The following TBC1D32 variants were observed in gnomAD, a reference collection of about 807,000 sequenced individuals.
TBC1D32 encodes TBC1 domain family member 32.
Under a neutral mutation model 170.3 loss-of-function variants are expected in TBC1D32, and 151 were observed. The observed-to-expected ratio is 0.89, with a 90% CI of 0.78 to 1.01. The LOEUF (loss-of-function observed/expected upper bound fraction) is 1.01, where lower values mean the gene tolerates loss of function less well. Among genes scored for constraint, TBC1D32 ranks in the 50% least tolerant of loss-of-function variants. The pLI, the probability that TBC1D32 is intolerant of heterozygous loss-of-function variation, is 0.00. For synonymous variants in TBC1D32, 498 were observed against 488.0 expected, an observed-to-expected ratio of 1.02 and a Z score of -0.27; for missense variants, 1,464 against 1,457.1, an observed-to-expected ratio of 1.00 and a Z score of -0.08.
intron 14 of TBC1D32, 40 bp from the exon 15 acceptor site, chr6:121,279,285 T>G: frequency 6.3e-7 from 1 of 1,591,220 alleles, no homozygotes; most frequent in Non-Finnish European, 8.5e-7. Context: ...CACATAATTT[T>G]ATGACATGCT....
chr6:121,307,070 G>A (rs1258923762), intron 5 of TBC1D32, among the ~76,000 whole-genome samples: 2 of 151,408 alleles, frequency 1.3e-5, no homozygotes, highest in African/African-American at 4.9e-5. Flanking sequence ...TCATAAAACA[G>A]CATCATTCAA....
intron 22 of TBC1D32, among the ~76,000 whole-genome samples, chr6:121,196,234 C>T (rs941844822): frequency 6.6e-6 from 1 of 152,190 alleles, no homozygotes; most frequent in African/African-American, 2.4e-5. Context: ...GCCACTGTGG[C>T]AGGGATGCCA....
intron 12 of TBC1D32, among the ~76,000 whole-genome samples, chr6:121,288,769 A>G (rs1804319724): frequency 6.6e-6 from 1 of 151,776 alleles, no homozygotes; most frequent in Non-Finnish European, 1.5e-5. Context: ...ATACTGGCAA[A>G]CCAAATCCAG....
chr6:121,328,517 C>G (rs907412162), intron 1 of TBC1D32, among the ~76,000 whole-genome samples: 2 of 152,032 alleles, frequency 1.3e-5, no homozygotes, highest in Admixed American at 1.3e-4. Flanking sequence ...ATCTCCTGAC[C>G]TCGTGATCCA....
At position 121,080,424 on chromosome 6, in the gene TBC1D32, C is replaced by A; in HGVS notation, c.*347G>T. On this transcript the variant is annotated 3_prime_UTR_variant, in exon 32 of 32. Coordinates refer to ENST00000398212, the MANE Select transcript of TBC1D32 (RefSeq NM_152730.6). ...AGAGACGAGGTTTCACCATTTTGGCCAGGATGGTCTCGATCTCTTGACCTC... is the reference window on the plus strand; with the variant it reads ...AGAGACGAGGTTTCACCATTTTGGCAAGGATGGTCTCGATCTCTTGACCTC... 1 of 258,488 alleles carries A rather than the reference C, an allele frequency of 3.9e-6. No individual in the cohort carries two copies. Among genetic ancestry groups the A allele is most frequent in the Non-Finnish European group, 8.1e-6 (1 of 122,946 alleles). The allele number at this position is 258,488 out of a possible 1,614,324, so 16.0% of individuals were successfully genotyped here. A position where few individuals can be genotyped will look rare whatever the true frequency, so the allele number is the denominator to read the frequency against.
chr6:121,148,354 A>G (rs1191706371), intron 24 of TBC1D32, among the ~76,000 whole-genome samples: 1 of 152,154 alleles, frequency 6.6e-6, no homozygotes, highest in Non-Finnish European at 1.5e-5. Context: ...CATGGTGTAC[A>G]TATGCCACAT....
chr6:121,316,023 C>T (rs1415366433), intron 3 of TBC1D32, among the ~76,000 whole-genome samples: 1 of 152,040 alleles, frequency 6.6e-6, no homozygotes, highest in African/African-American at 2.4e-5. Context: ...GCGGACATCC[C>T]AAAGAAATCC....
rs562133441 is a variant in TBC1D32, at chr6:121,085,224, T to C, written c.3655-4334A>G. Among the ~76,000 whole-genome samples, 32 of 136,184 alleles carry C rather than the reference T, an allele frequency of 2.3e-4. 2 individuals carry two copies. In the South Asian group the frequency reaches 5.0e-3, roughly 21 times the overall value. The allele number at this position is 136,184 out of a possible 152,430, so 89.3% of individuals were successfully genotyped here. A position where few individuals can be genotyped will look rare whatever the true frequency, so the allele number is the denominator to read the frequency against. ...ATATATATACACATATATATACACA[T>C]ATATATATACACATATACATACGTA... is the stretch of plus-strand genomic sequence containing the variant. On this transcript the variant is annotated intron_variant, in intron 31 of 31. Coordinates refer to ENST00000398212, the MANE Select transcript of TBC1D32 (RefSeq NM_152730.6).
At chr6:121,184,887 A>G (rs1788974855) in intron 22 of TBC1D32, among the ~76,000 whole-genome samples, 1 of 152,088 alleles carries the variant, frequency 6.6e-6, no homozygotes, top group East Asian at 1.9e-4. Flanking sequence ...AGCTGAGGAA[A>G]GAGGCCGACC....
At chr6:121,198,917 A>T (rs1037018799) in intron 22 of TBC1D32, among the ~76,000 whole-genome samples, 2 of 151,444 alleles carry the variant, frequency 1.3e-5, no homozygotes, top group Non-Finnish European at 2.9e-5. Context: ...CCCAAAATAA[A>T]AGAGAATAAA....
chr6:121,233,726 T>G (rs1796018787), intron 20 of TBC1D32, among the ~76,000 whole-genome samples: 1 of 152,180 alleles, frequency 6.6e-6, no homozygotes, highest in Admixed American at 6.5e-5. Flanking sequence ...TATTGAGACG[T>G]GAGGTACTGT....
chr6:121,190,177 T>G (rs1392709873), intron 22 of TBC1D32, among the ~76,000 whole-genome samples: 2 of 113,912 alleles, frequency 1.8e-5, no homozygotes, highest in African/African-American at 6.5e-5. Context: ...CCTTCCCAAC[T>G]TCCCGGCAAG....
intron 21 of TBC1D32, among the ~76,000 whole-genome samples, chr6:121,208,718 C>T (rs1948733): frequency 0.95 from 125,046 of 132,150 alleles, 59,613 homozygotes; most frequent in East Asian, 1. Context: ...CAACAAGACA[C>T]GAAACACCTG....
At chr6:121,119,019 T>C (rs1236417288) in intron 26 of TBC1D32, among the ~76,000 whole-genome samples, 1 of 152,098 alleles carries the variant, frequency 6.6e-6, no homozygotes, top group Non-Finnish European at 1.5e-5. Flanking sequence ...CATTCTAATA[T>C]CCCAGGAGGC....
chr6:121,265,097 T>A (rs1800294101), intron 15 of TBC1D32, among the ~76,000 whole-genome samples: 1 of 152,164 alleles, frequency 6.6e-6, no homozygotes, highest in Non-Finnish European at 1.5e-5. Flanking sequence ...TAAAGGGTAT[T>A]CAAATAGGAA....
At chr6:121,154,728 A>C (rs1784655125) in intron 24 of TBC1D32, among the ~76,000 whole-genome samples, 1 of 152,234 alleles carries the variant, frequency 6.6e-6, no homozygotes, top group African/African-American at 2.4e-5. Flanking sequence ...GCACAGCAAA[A>C]GTAATTACCA....
intron 21 of TBC1D32, among the ~76,000 whole-genome samples, chr6:121,217,899 A>C (rs1298413993): frequency 6.6e-6 from 1 of 152,250 alleles, no homozygotes; most frequent in Non-Finnish European, 1.5e-5. Context: ...GGGAAGAATC[A>C]TAATGATTTC....
rs981066944 is a variant in TBC1D32 at position 121,096,928 on chromosome 6, C to G, written c.3466-5887G>C. Among the ~76,000 whole-genome samples the G allele has an allele frequency of 2.0e-5, 3 of 152,020 alleles. No individual in the cohort carries two copies. The South Asian group carries it at 6.2e-4, about 32-fold the overall frequency. ...ACCATCTGTTCTTTAACAAACCTGA[C>G]AAAAACAAGCAGTGGGGAAAGGATT... On this transcript the variant is annotated intron_variant, in intron 30 of 31. Coordinates refer to ENST00000398212, the MANE Select transcript of TBC1D32 (RefSeq NM_152730.6).
chr6:121,276,900 A>C (rs1421077719), intron 15 of TBC1D32, among the ~76,000 whole-genome samples: 1 of 152,164 alleles, frequency 6.6e-6, no homozygotes, highest in Non-Finnish European at 1.5e-5. Flanking sequence ...AAGCATCAAA[A>C]TACTTAAATG....
Sources: gnomAD v4.1 joint callset for allele counts (sites outside exome capture counted in the v4.1 genomes callset) on GRCh38, gnomAD v4.1.1 for gene constraint, MANE v1.5 for transcripts, NCBI Gene and HGNC (gene_info 2026-07-23, HGNC 2026-07-21) for gene names.